Variants in DNAAF11 observed in about 807,000 individuals in gnomAD.
DNAAF11 encodes the protein dynein axonemal assembly factor 11.
Under a neutral mutation model 60.8 loss-of-function variants are expected in DNAAF11, and 45 were observed. The observed-to-expected ratio is 0.74, with a 90% CI of 0.58 to 0.95. The LOEUF is 0.95. Among genes scored for constraint, DNAAF11 ranks in the 40% least tolerant of loss-of-function variants. The pLI is 0.00. For synonymous variants in DNAAF11, 191 were observed against 183.5 expected (o/e 1.04, Z -0.33); for missense variants, 546 against 546.2 (o/e 1.00, Z 0.00).
At chr8:132,589,895 T>A (rs1816283561) in intron 10 of DNAAF11, among the ~76,000 whole-genome samples, 1 of 151,980 alleles carries the variant, frequency 6.6e-6, no homozygotes, top group South Asian at 2.1e-4. Flanking sequence ...TGCCCCAGAG[T>A]GGAAGATCAT....
In DNAAF11 at chr8:132,637,563, C is replaced by T. The variant is rs865926084; in HGVS notation, c.429+372G>A. On this transcript the variant is annotated intron_variant, in intron 4 of 11. Transcript: ENST00000620350. Reference sequence around the variant, plus strand: ...GAGTTTGCAGTGAGCCGAGATCGTGCCACTGCACTCCAGCCTGGGTGACAG... The same window carrying T: ...GAGTTTGCAGTGAGCCGAGATCGTGTCACTGCACTCCAGCCTGGGTGACAG... Among the ~76,000 whole-genome samples, 59 of 151,864 alleles carry T rather than the reference C, an allele frequency of 3.9e-4. 1 individual carries two copies. Among genetic ancestry groups the T allele is most frequent in the Non-Finnish European group, 1.3e-4 (9 of 67,980 alleles).
At chr8:132,657,793 A>G (rs1386090497) in intron 2 of DNAAF11, among the ~76,000 whole-genome samples, 3 of 152,222 alleles carry the variant, frequency 2.0e-5, no homozygotes, top group South Asian at 2.1e-4. Flanking sequence ...AATCCTCATA[A>G]TAACCCTATG....
chr8:132,600,288 G>C (rs1034971753), intron 10 of DNAAF11, among the ~76,000 whole-genome samples: 2 of 152,136 alleles, frequency 1.3e-5, no homozygotes, highest in Admixed American at 6.6e-5. Flanking sequence ...CAAACAAATG[G>C]AAGAACATTC....
At chr8:132,619,218 T>C (rs1468700861) in intron 7 of DNAAF11, among the ~76,000 whole-genome samples, 1 of 151,350 alleles carries the variant, frequency 6.6e-6, no homozygotes, top group Admixed American at 6.6e-5. Flanking sequence ...AAACACCACA[T>C]GTTCTCACTC....
At chr8:132,696,594 T>C in the DNAAF11 span, among the ~76,000 whole-genome samples, 3 of 152,130 alleles carry the variant, frequency 2.0e-5, no homozygotes, top group Admixed American at 1.3e-4. Flanking sequence ...AGTAATGAAG[T>C]AGAGATTCAT....
At chr8:132,629,354 T>C (rs11991380) in intron 5 of DNAAF11, among the ~76,000 whole-genome samples, 2 of 142,694 alleles carry the variant, frequency 1.4e-5, no homozygotes, top group African/African-American at 2.6e-5. Context: ...TTTTTTTTTC[T>C]TTTTTTTTTT....
At chr8:132,689,696 CGTGTGT>C in the DNAAF11 span, among the ~76,000 whole-genome samples, 3 of 148,244 alleles carry the variant, frequency 2.0e-5, no homozygotes, top group East Asian at 2.0e-4. Flanking sequence ...TGTGTATGTA[CGTGTGT>C]GTGTGTGTGT....
At chr8:132,690,820 T>C in the DNAAF11 span, among the ~76,000 whole-genome samples, 1 of 152,188 alleles carries the variant, frequency 6.6e-6, no homozygotes, top group Non-Finnish European at 1.5e-5. Flanking sequence ...TTGACTGCTG[T>C]GTTTCTTGTG....
chr8:132,697,789 C>A, the DNAAF11 span, among the ~76,000 whole-genome samples: 5 of 151,954 alleles, frequency 3.3e-5, no homozygotes, highest in South Asian at 1.0e-3. Flanking sequence ...TTAGTATTTG[C>A]ACGTAGAAGC....
intron 1 of DNAAF11, among the ~76,000 whole-genome samples, chr8:132,671,543 C>A (rs1475145427): frequency 6.6e-6 from 1 of 152,006 alleles, no homozygotes; most frequent in African/African-American, 2.4e-5. Flanking sequence ...TACTGAAATT[C>A]ATATAGAAAT....
At chr8:132,682,095 T>C in the DNAAF11 span, among the ~76,000 whole-genome samples, 10 of 152,342 alleles carry the variant, frequency 6.6e-5, no homozygotes, top group East Asian at 1.7e-3. Flanking sequence ...TTCTTTTCAA[T>C]TGAAAGATGG....
intron 11 of DNAAF11, among the ~76,000 whole-genome samples, chr8:132,578,031 T>G (rs1197074707): frequency 6.6e-6 from 1 of 152,076 alleles, no homozygotes; most frequent in Non-Finnish European, 1.5e-5. Flanking sequence ...ACCTTCATTA[T>G]AGTCATTATA....
At chr8:132,666,424 T>C (rs1824634709) in intron 1 of DNAAF11, among the ~76,000 whole-genome samples, 1 of 151,724 alleles carries the variant, frequency 6.6e-6, no homozygotes, top group Non-Finnish European at 1.5e-5. Context: ...TTATGTCAAA[T>C]AAAAACAAAA....
intron 11 of DNAAF11, among the ~76,000 whole-genome samples, chr8:132,573,337 G>C (rs1814414386): frequency 6.6e-6 from 1 of 152,054 alleles, no homozygotes. Context: ...TGATATTCCA[G>C]GTGTTGTATA....
chr8:132,591,130 T>G (rs138433295), intron 10 of DNAAF11, among the ~76,000 whole-genome samples: 80 of 152,344 alleles, frequency 5.3e-4, no homozygotes, highest in African/African-American at 1.8e-3. Flanking sequence ...ATAATGTACA[T>G]TTTAAGGCTT....
chr8:132,698,656 A>T, the DNAAF11 span, among the ~76,000 whole-genome samples: 2 of 152,138 alleles, frequency 1.3e-5, no homozygotes, highest in Non-Finnish European at 2.9e-5. Flanking sequence ...AATGGGTCAT[A>T]TCCAGCCATC....
intron 10 of DNAAF11, among the ~76,000 whole-genome samples, chr8:132,608,977 T>A (rs1292345482): frequency 1.3e-5 from 2 of 152,204 alleles, no homozygotes; most frequent in Non-Finnish European, 2.9e-5. Context: ...TAATCAAGTT[T>A]GTACTCTTCA....
chr8:132,657,881 TG>T (rs1823739905), intron 2 of DNAAF11, among the ~76,000 whole-genome samples: 1 of 152,180 alleles, frequency 6.6e-6, no homozygotes, highest in African/African-American at 2.4e-5. Context: ...CAAGGTTAAG[TG>T]GTAGAGCTAG....
At chr8:132,679,046 A>G (rs1008077578), upstream of DNAAF11, among the ~76,000 whole-genome samples, 17 of 146,722 alleles carry the variant, frequency 1.2e-4, no homozygotes, top group Admixed American at 2.0e-4. Context: ...TACTAACTCA[A>G]TTCTCACAGT....
Sources: gnomAD v4.1 joint callset for allele counts (sites outside exome capture counted in the v4.1 genomes callset) on GRCh38, gnomAD v4.1.1 for gene constraint, MANE v1.5 for transcripts, NCBI Gene and HGNC (gene_info 2026-07-23, HGNC 2026-07-21) for gene names.